The following TENM3 variants were observed in gnomAD, a reference collection of about 807,000 sequenced individuals.
TENM3 encodes teneurin transmembrane protein 3, also known as teneurin-3.
In TENM3, 63 loss-of-function variants were observed where a neutral mutation model predicts 255.1. The observed-to-expected ratio is 0.25, with a 90% CI of 0.20 to 0.30. TENM3 has a LOEUF of 0.30. TENM3 is among the 10% of genes least tolerant of loss of function. The pLI is 1.00. For synonymous variants in TENM3, 1,306 were observed against 1,322.3 expected (o/e 0.99, Z 0.27); for missense variants, 2,929 against 3,461.1 (o/e 0.85, Z 3.86).
At chr4:182,111,547 A>T in the TENM3 span, among the ~76,000 whole-genome samples, 1 of 152,198 alleles carries the variant, frequency 6.6e-6, no homozygotes, top group Non-Finnish European at 1.5e-5. Flanking sequence ...TGCACGTGCA[A>T]TGGAAAGATA....
chr4:182,364,863 T>G (rs1182407478), intron 3 of TENM3, among the ~76,000 whole-genome samples: 1 of 152,266 alleles, frequency 6.6e-6, no homozygotes, highest in African/African-American at 2.4e-5. Flanking sequence ...CTATAAGTGA[T>G]TCTGCAATAA....
chr4:181,754,255 C>T, the TENM3 span, among the ~76,000 whole-genome samples: 6 of 149,840 alleles, frequency 4.0e-5, no homozygotes, highest in Non-Finnish European at 5.9e-5. Context: ...CATTTAATGC[C>T]TTTGCCAGCA....
At chr4:182,040,477 CAG>C in the TENM3 span, among the ~76,000 whole-genome samples, 1 of 152,128 alleles carries the variant, frequency 6.6e-6, no homozygotes, top group African/African-American at 2.4e-5. Context: ...GTGGCTTACA[CAG>C]AGTTTCCTGG....
the TENM3 span, among the ~76,000 whole-genome samples, chr4:181,722,239 G>C: frequency 6.6e-6 from 1 of 152,174 alleles, no homozygotes; most frequent in African/African-American, 2.4e-5. Flanking sequence ...TTAAGAAGAA[G>C]AAAGAGGTCA....
At chr4:182,145,805 G>A (rs1043164458) in intron 1 of TENM3, among the ~76,000 whole-genome samples, 11 of 152,174 alleles carry the variant, frequency 7.2e-5, no homozygotes, top group Admixed American at 6.5e-4. Flanking sequence ...TCTTCATCAT[G>A]CTCTATTTCT....
intron 12 of TENM3, 111 bp downstream of exon 12, chr4:182,688,462 T>C: frequency 1.2e-6 from 1 of 863,472 alleles, no homozygotes; most frequent in Non-Finnish European, 1.6e-6. Context: ...TTTTTACTTG[T>C]CTTTCTTAAC....
At chr4:181,800,316 C>T in the TENM3 span, among the ~76,000 whole-genome samples, 2 of 152,134 alleles carry the variant, frequency 1.3e-5, no homozygotes, top group Non-Finnish European at 2.9e-5. Context: ...AGAGTACACA[C>T]TGGACATATG....
chr4:182,577,651 C>T (rs570005575), intron 3 of TENM3, among the ~76,000 whole-genome samples: 21 of 152,220 alleles, frequency 1.4e-4, no homozygotes, highest in East Asian at 5.8e-4. Flanking sequence ...TAAATGCACG[C>T]GCTCTATTAA....
intron 6 of TENM3, 138 bp downstream of exon 6, chr4:182,654,031 T>G: frequency 1.3e-6 from 1 of 772,838 alleles, no homozygotes; most frequent in Non-Finnish European, 1.8e-6. Context: ...TTTTTATAAG[T>G]TTTTTTCAAT....
At chr4:182,769,152 A>C (rs996198200) in intron 22 of TENM3, among the ~76,000 whole-genome samples, 3 of 152,196 alleles carry the variant, frequency 2.0e-5, no homozygotes, top group South Asian at 2.1e-4. Flanking sequence ...AGGCATATCT[A>C]GTTGTTGGAA....
chr4:182,078,136 G>C, the TENM3 span, among the ~76,000 whole-genome samples: 1 of 152,090 alleles, frequency 6.6e-6, no homozygotes, highest in African/African-American at 2.4e-5. Context: ...TGAGGTGGGA[G>C]GATCACTTGA....
the TENM3 span, among the ~76,000 whole-genome samples, chr4:181,507,211 T>A: frequency 6.6e-6 from 1 of 152,208 alleles, no homozygotes; most frequent in Non-Finnish European, 1.5e-5. Context: ...TTCATCTCTA[T>A]CCCACAGAAG....
chr4:181,966,005 G>A, the TENM3 span, among the ~76,000 whole-genome samples: 9 of 152,150 alleles, frequency 5.9e-5, no homozygotes, highest in African/African-American at 2.2e-4. Context: ...TATTCCATTA[G>A]GGATGACAAA....
chr4:182,225,570 A>G (rs932211130), intron 1 of TENM3, among the ~76,000 whole-genome samples: 2 of 152,094 alleles, frequency 1.3e-5, no homozygotes, highest in African/African-American at 4.8e-5. Flanking sequence ...AACCATGGGG[A>G]AGTGACTGAC....
chr4:181,705,819 T>G, the TENM3 span, among the ~76,000 whole-genome samples: 5 of 152,128 alleles, frequency 3.3e-5, no homozygotes, highest in African/African-American at 1.2e-4. Flanking sequence ...GAGCAAATTT[T>G]GTGAGTGTGA....
chr4:182,615,375 G>A (rs1749406071), intron 4 of TENM3, among the ~76,000 whole-genome samples: 1 of 152,084 alleles, frequency 6.6e-6, no homozygotes, highest in Non-Finnish European at 1.5e-5. Context: ...AGCATTTTGG[G>A]AAGTTGTAAA....
intron 2 of TENM3, among the ~76,000 whole-genome samples, chr4:182,328,114 T>C (rs1405705969): frequency 1.3e-5 from 2 of 152,220 alleles, no homozygotes; most frequent in African/African-American, 2.4e-5. Context: ...AGTTAGTCAA[T>C]AATCAGTGTT....
the TENM3 span, among the ~76,000 whole-genome samples, chr4:181,599,168 A>G: frequency 1.4e-4 from 21 of 152,198 alleles, no homozygotes; most frequent in Admixed American, 1.1e-3. Context: ...TACCAAGTTA[A>G]AGAGAATAAA....
At chr4:182,402,329 G>C (rs1258568963) in intron 3 of TENM3, among the ~76,000 whole-genome samples, 2 of 152,170 alleles carry the variant, frequency 1.3e-5, no homozygotes, top group Admixed American at 1.3e-4. Flanking sequence ...GTTTGGGAAA[G>C]TGTGAATTCC....
Sources: gnomAD v4.1 joint callset for allele counts (sites outside exome capture counted in the v4.1 genomes callset) on GRCh38, gnomAD v4.1.1 for gene constraint, MANE v1.5 for transcripts, NCBI Gene and HGNC (gene_info 2026-07-23, HGNC 2026-07-21) for gene names.